GPM6A: variants seen among roughly 807,000 people sequenced by gnomAD.
GPM6A encodes the protein glycoprotein M6A, also known as neuronal membrane glycoprotein M6-a.
Under a neutral mutation model 32.1 loss-of-function variants are expected in GPM6A, and 7 were observed. The ratio of observed to expected loss-of-function variants is 0.22; its 90% confidence interval spans 0.12 to 0.41. GPM6A has a LOEUF of 0.41. Among genes scored for constraint, GPM6A ranks in the 10% least tolerant of loss-of-function variants. The pLI, the probability that GPM6A is intolerant of heterozygous loss-of-function variation, is 1.00. For missense variants in GPM6A, 235 were observed against 347.2 expected, an observed-to-expected ratio of 0.68 and a Z score of 2.57; for synonymous variants, 130 against 123.4, an observed-to-expected ratio of 1.05 and a Z score of -0.35.
chr4:175,694,354 C>T (rs1401812681), intron 2 of GPM6A, among the ~76,000 whole-genome samples: 1 of 152,156 alleles, frequency 6.6e-6, no homozygotes, highest in Non-Finnish European at 1.5e-5. Flanking sequence ...TTTCTAGACA[C>T]CTGTTAAATT....
At chr4:175,749,024 C>T (rs1732215050) in intron 1 of GPM6A, among the ~76,000 whole-genome samples, 1 of 152,130 alleles carries the variant, frequency 6.6e-6, no homozygotes, top group African/African-American at 2.4e-5. Flanking sequence ...CCACCTCAAT[C>T]AGCCTTCACA....
intron 1 of GPM6A, among the ~76,000 whole-genome samples, chr4:175,779,307 C>T (rs944953839): frequency 2.0e-5 from 3 of 152,138 alleles, no homozygotes; most frequent in Admixed American, 6.5e-5. Flanking sequence ...CTCTCATGCA[C>T]GCCTAGAGCA....
chr4:175,953,868 C>T (rs1725393764), intron 1 of GPM6A, among the ~76,000 whole-genome samples: 1 of 152,076 alleles, frequency 6.6e-6, no homozygotes, highest in Admixed American at 6.5e-5. Context: ...CATTGCACTC[C>T]AGCCTGGGCA....
At chr4:175,812,302 T>TG, upstream of GPM6A, 1 of 925,648 alleles carries the variant, frequency 1.1e-6, no homozygotes, top group Non-Finnish European at 1.3e-6. Flanking sequence ...AAACTGGGGG[T>TG]TTTTTTTTTT....
At chr4:175,652,980 CA>C (rs1741888824) in intron 3 of GPM6A, among the ~76,000 whole-genome samples, 1 of 152,076 alleles carries the variant, frequency 6.6e-6, no homozygotes, top group African/African-American at 2.4e-5. Context: ...TTCAAAATAG[CA>C]GTACAGCATA....
intron 1 of GPM6A, among the ~76,000 whole-genome samples, chr4:175,722,737 C>A (rs1269583223): frequency 6.6e-6 from 1 of 152,056 alleles, no homozygotes; most frequent in Admixed American, 6.6e-5. Context: ...TTAAAACCAG[C>A]AATATGTTTA....
At chr4:175,793,320 C>T (rs889366560) in intron 1 of GPM6A, among the ~76,000 whole-genome samples, 2 of 152,050 alleles carry the variant, frequency 1.3e-5, no homozygotes, top group South Asian at 4.1e-4. Context: ...CAATTAAGAA[C>T]ATTCTGGAAT....
intron 1 of GPM6A, among the ~76,000 whole-genome samples, chr4:175,737,451 G>A (rs919416107): frequency 2.0e-5 from 3 of 151,888 alleles, no homozygotes; most frequent in Non-Finnish European, 4.4e-5. Flanking sequence ...AGGTTCCAGT[G>A]AGCCGAGATT....
At position 175,673,855 on chromosome 4, in the gene GPM6A, T is replaced by C. The variant is rs1039958034; in HGVS notation, c.231-19A>G. Reference sequence around the variant, plus strand: ...GTCAATCCTGAGAGAAAAGACAAAGTGATTTATTTCAATAACTTTTCATTG... The same window carrying C: ...GTCAATCCTGAGAGAAAAGACAAAGCGATTTATTTCAATAACTTTTCATTG... On this transcript the variant is annotated intron_variant, in intron 2 of 6. Coordinates refer to ENST00000393658, the MANE Select transcript of GPM6A (RefSeq NM_201591.3). The C allele has an allele frequency of 6.4e-7, 1 of 1,563,956 alleles. No homozygotes were observed.
chr4:175,958,220 G>T (rs1740051186), intron 1 of GPM6A, among the ~76,000 whole-genome samples: 1 of 152,342 alleles, frequency 6.6e-6, no homozygotes, highest in East Asian at 1.9e-4. Flanking sequence ...GAATGCTGGA[G>T]AGCATTGCCT....
intron 1 of GPM6A, among the ~76,000 whole-genome samples, chr4:175,834,384 A>C (rs968484469): frequency 6.6e-6 from 1 of 152,154 alleles, no homozygotes; most frequent in African/African-American, 2.4e-5. Context: ...GGTGGTTACA[A>C]AATCTTTAAA....
intron 2 of GPM6A, among the ~76,000 whole-genome samples, chr4:175,674,623 T>C (rs1743259209): frequency 6.6e-6 from 1 of 152,240 alleles, no homozygotes; most frequent in African/African-American, 2.4e-5. Context: ...TAGTTTTACA[T>C]AAAATGATAC....
intron 1 of GPM6A, among the ~76,000 whole-genome samples, chr4:175,817,607 A>C (rs763365748): frequency 1.3e-5 from 2 of 151,406 alleles, no homozygotes; most frequent in Non-Finnish European, 2.9e-5. Context: ...TGATCAAAGC[A>C]GGTGACCTTT....
chr4:175,772,422 C>A (rs1373438182), intron 1 of GPM6A, among the ~76,000 whole-genome samples: 1 of 152,182 alleles, frequency 6.6e-6, no homozygotes, highest in Non-Finnish European at 1.5e-5. Flanking sequence ...GAGTGTATCA[C>A]TGACAAAGAG....
intron 2 of GPM6A, among the ~76,000 whole-genome samples, chr4:175,688,739 T>C (rs757878097): frequency 3.3e-5 from 5 of 152,264 alleles, no homozygotes; most frequent in Admixed American, 2.6e-4. Flanking sequence ...TGTAAGCCTA[T>C]ATCAAAATAC....
At chr4:175,894,673 T>C (rs1300466032) in intron 1 of GPM6A, among the ~76,000 whole-genome samples, 2 of 152,162 alleles carry the variant, frequency 1.3e-5, no homozygotes, top group Non-Finnish European at 2.9e-5. Context: ...TAGTAGTATA[T>C]ATTTTTAATA....
At chr4:175,894,597 C>T (rs1737741838) in intron 1 of GPM6A, among the ~76,000 whole-genome samples, 1 of 152,146 alleles carries the variant, frequency 6.6e-6, no homozygotes, top group Non-Finnish European at 1.5e-5. Flanking sequence ...TTCTACCCTT[C>T]TACCTTTCAT....
chr4:175,663,735 C>T (rs1384587621), intron 3 of GPM6A, among the ~76,000 whole-genome samples: 1 of 150,360 alleles, frequency 6.7e-6, no homozygotes, highest in Non-Finnish European at 1.5e-5. Context: ...GCTTTGTCGC[C>T]CAGGCTGGAG....
At chr4:175,871,710 G>T (rs558180403) in intron 1 of GPM6A, among the ~76,000 whole-genome samples, 1 of 152,174 alleles carries the variant, frequency 6.6e-6, no homozygotes, top group South Asian at 2.1e-4. Flanking sequence ...TACTTCTCCC[G>T]TATAGGAATA....
Sources: allele counts gnomAD v4.1 joint callset (sites outside exome capture counted in the v4.1 genomes callset), GRCh38; gene constraint gnomAD v4.1.1; transcripts MANE v1.5; gene names NCBI Gene and HGNC (gene_info 2026-07-23, HGNC 2026-07-21).